Variants in CACNA2D3 observed in about 807,000 individuals in gnomAD.
CACNA2D3 encodes the protein calcium voltage-gated channel auxiliary subunit alpha2delta 3, also known as voltage-dependent calcium channel subunit alpha-2/delta-3.
CACNA2D3 carries 60 observed loss-of-function variants against 160.6 expected under a neutral mutation model. The ratio of observed to expected loss-of-function variants is 0.37; its 90% CI spans 0.30 to 0.46. The LOEUF is 0.46. Among genes scored for constraint, CACNA2D3 ranks in the 20% least tolerant of loss-of-function variants. The pLI, the probability that CACNA2D3 is intolerant of heterozygous loss-of-function variation, is 1.00. For synonymous variants in CACNA2D3, 558 were observed against 492.9 expected (o/e 1.13, Z -1.75); for missense variants, 1,205 against 1,365.0 (o/e 0.88, Z 1.85).
intron 4 of CACNA2D3, among the ~76,000 whole-genome samples, chr3:54,400,121 G>A (rs1304834170): frequency 5.6e-5 from 8 of 143,480 alleles, no homozygotes; most frequent in South Asian, 2.4e-4. Context: ...GACCCCTTGC[G>A]CTTCCCAGGT....
intron 27 of CACNA2D3, among the ~76,000 whole-genome samples, chr3:54,906,038 T>C (rs1700442000): frequency 6.6e-6 from 1 of 152,192 alleles, no homozygotes; most frequent in Non-Finnish European, 1.5e-5. Flanking sequence ...AAGGGCACTG[T>C]TGGCATCGAT....
intron 8 of CACNA2D3, among the ~76,000 whole-genome samples, chr3:54,575,796 A>C (rs1299360438): frequency 6.6e-6 from 1 of 152,194 alleles, no homozygotes; most frequent in African/African-American, 2.4e-5. Context: ...GGCAAACGTG[A>C]TGGGACAAGG....
Position 54,618,377 on chromosome 3 carries a change from A to ATATATATATATG in CACNA2D3, c.964-9410_964-9409insTATATATATATG, listed in dbSNP as rs1261954509. ...CATATATATATATATATATATATGC[A>ATATATATATATG]CACACACACACACACACACACACAC... is the stretch of plus-strand genomic sequence containing the variant. On this transcript the variant is annotated intron_variant, in intron 9 of 37. Coordinates refer to ENST00000474759, the MANE Select transcript of CACNA2D3 (RefSeq NM_018398.3). Among the ~76,000 whole-genome samples, 436 of 121,938 alleles carry ATATATATATATG rather than the reference A, an allele frequency of 3.6e-3. 2 individuals are homozygous for ATATATATATATG. The highest frequency in any genetic ancestry group is 6.2e-3 in the Non-Finnish European group (355 of 57,218). 80.0% of individuals were successfully genotyped at this position (121,938 alleles called of 152,430 possible).
In CACNA2D3 at chr3:54,968,319, A is replaced by G. The variant is rs150935544; in HGVS notation, c.2450-131A>G. 1.4e-3 allele frequency: 891 copies of G among 642,976 alleles called. 3 individuals carry two copies. The African/African-American group carries it at 0.014, about 10-fold the overall frequency. The allele number at this position is 642,976 out of a possible 1,614,324, so 39.8% of individuals were successfully genotyped here. ...CTGAAAGATAAAATGTTTTAGTTGT[A>G]TGCTTCACTGTACATTTTATTTTAT... On this transcript the variant is annotated intron_variant, in intron 27 of 37. Coordinates refer to ENST00000474759, the MANE Select transcript of CACNA2D3 (RefSeq NM_018398.3).
chr3:54,558,726 A>G (rs1702278339), intron 5 of CACNA2D3, among the ~76,000 whole-genome samples: 1 of 152,114 alleles, frequency 6.6e-6, no homozygotes, highest in Non-Finnish European at 1.5e-5. Flanking sequence ...GGCTCCATCC[A>G]TGTCACTGCA....
At chr3:54,171,158 T>TTTTA (rs1553743546) in intron 2 of CACNA2D3, among the ~76,000 whole-genome samples, 1 of 140,768 alleles carries the variant, frequency 7.1e-6, no homozygotes, top group African/African-American at 3.0e-5. Context: ...TTTTTTTTTT[T>TTTTA]AGGAATAGCT....
At chr3:54,167,103 G>T (rs866649189) in intron 2 of CACNA2D3, among the ~76,000 whole-genome samples, 1 of 152,258 alleles carries the variant, frequency 6.6e-6, no homozygotes, top group Middle Eastern at 3.4e-3. Flanking sequence ...AGAGTGTCCT[G>T]CTGTTTCCTC....
intron 5 of CACNA2D3, among the ~76,000 whole-genome samples, chr3:54,525,947 C>T (rs1701717034): frequency 6.6e-6 from 1 of 151,900 alleles, no homozygotes; most frequent in Non-Finnish European, 1.5e-5. Context: ...TCTTTGTTCT[C>T]TCCTTCTTAT....
intron 4 of CACNA2D3, among the ~76,000 whole-genome samples, chr3:54,402,726 A>G (rs1434912890): frequency 3.3e-5 from 5 of 152,202 alleles, no homozygotes; most frequent in Admixed American, 2.6e-4. Flanking sequence ...GATCAAGCAG[A>G]TGAAAATTAA....
intron 11 of CACNA2D3, among the ~76,000 whole-genome samples, chr3:54,713,388 TG>T (rs34492940): frequency 6.6e-6 from 1 of 152,152 alleles, no homozygotes; most frequent in African/African-American, 2.4e-5. Flanking sequence ...TGAAATAAAC[TG>T]GGGAAGATCC....
At chr3:54,705,185 T>A (rs1700837301) in intron 11 of CACNA2D3, among the ~76,000 whole-genome samples, 1 of 152,240 alleles carries the variant, frequency 6.6e-6, no homozygotes, top group African/African-American at 2.4e-5. Flanking sequence ...ATATTCACAT[T>A]TTGCCATATC....
intron 11 of CACNA2D3, among the ~76,000 whole-genome samples, chr3:54,750,776 T>TTA (rs1701841363): frequency 1.8e-5 from 1 of 55,228 alleles, no homozygotes; most frequent in Non-Finnish European, 5.1e-5. Flanking sequence ...GGATCTTTGC[T>TTA]TTTTTTTTTT....
intron 2 of CACNA2D3, among the ~76,000 whole-genome samples, chr3:54,278,021 C>G (rs1254198647): frequency 1.3e-5 from 2 of 152,062 alleles, no homozygotes; most frequent in Admixed American, 1.3e-4. Flanking sequence ...GAAGCTTTTG[C>G]ACAGCAAAAG....
At chr3:54,969,589 T>C (rs571922130) in intron 28 of CACNA2D3, among the ~76,000 whole-genome samples, 1 of 152,328 alleles carries the variant, frequency 6.6e-6, no homozygotes, top group Non-Finnish European at 1.5e-5. Flanking sequence ...ATAGATCTTT[T>C]ATTTTACATT....
chr3:54,360,880 G>C (rs1698729998), intron 3 of CACNA2D3, among the ~76,000 whole-genome samples: 1 of 152,116 alleles, frequency 6.6e-6, no homozygotes, highest in Non-Finnish European at 1.5e-5. Flanking sequence ...CTAACACCCA[G>C]AATGTGTTTT....
At chr3:54,223,114 G>T (rs1301906687) in intron 2 of CACNA2D3, among the ~76,000 whole-genome samples, 3 of 152,054 alleles carry the variant, frequency 2.0e-5, no homozygotes, top group Non-Finnish European at 2.9e-5. Flanking sequence ...ATATTACAAA[G>T]TGCATATTTA....
intron 25 of CACNA2D3, among the ~76,000 whole-genome samples, chr3:54,895,951 A>G (rs2106878207): frequency 6.6e-6 from 1 of 152,304 alleles, no homozygotes; most frequent in South Asian, 2.1e-4. Context: ...GGGAGGGGAT[A>G]TGATGATTGT....
chr3:54,721,907 G>C (rs1701176921), intron 11 of CACNA2D3, among the ~76,000 whole-genome samples: 1 of 152,112 alleles, frequency 6.6e-6, no homozygotes, highest in Non-Finnish European at 1.5e-5. Context: ...CTCTTCTCGA[G>C]GAGTATCTTT....
At chr3:54,385,798 G>A in intron 3 of CACNA2D3, 2 of 402,646 alleles carry the variant, frequency 5.0e-6, no homozygotes, top group South Asian at 3.6e-5. Context: ...TCAAGAAAAA[G>A]CAAGTTAAAG....
Sources: gnomAD v4.1 joint callset for allele counts (sites outside exome capture counted in the v4.1 genomes callset) on GRCh38, gnomAD v4.1.1 for gene constraint, MANE v1.5 for transcripts, NCBI Gene and HGNC (gene_info 2026-07-23, HGNC 2026-07-21) for gene names.